TUSC3: variants seen among roughly 807,000 people sequenced by gnomAD.
TUSC3 encodes tumor suppressor candidate 3, also known as dolichyl-diphosphooligosaccharide--protein glycosyltransferase subunit TUSC3.
A neutral mutation model predicts 44.8 loss-of-function variants in TUSC3; 45 were observed. The observed-to-expected ratio is 1.00, with a 90% CI of 0.79 to 1.29. TUSC3 has a LOEUF of 1.29. TUSC3 is among the 50% of genes most tolerant of loss of function. The pLI is 0.00. For synonymous variants in TUSC3, 212 were observed against 152.9 expected (o/e 1.39, Z -2.85); for missense variants, 519 against 437.9 (o/e 1.19, Z -1.65).
chr8:15,505,349 A>T (rs76934792), intron 2 of TUSC3, among the ~76,000 whole-genome samples: 5 of 152,208 alleles, frequency 3.3e-5, no homozygotes, highest in Non-Finnish European at 7.3e-5. Context: ...ATGTGTTATA[A>T]TGGCATTGTG....
At chr8:15,581,315 G>C (rs1219196538) in intron 1 of TUSC3, among the ~76,000 whole-genome samples, 1 of 148,888 alleles carries the variant, frequency 6.7e-6, no homozygotes, top group Non-Finnish European at 1.5e-5. Context: ...TCTTCTCTCA[G>C]CTCGTCAAAG....
At chr8:15,543,896 G>A (rs1175852287) in intron 1 of TUSC3, among the ~76,000 whole-genome samples, 3 of 143,246 alleles carry the variant, frequency 2.1e-5, no homozygotes, top group Non-Finnish European at 4.6e-5. Flanking sequence ...AAGACTTGGT[G>A]ATATCCCATG....
At chr8:15,705,571 C>A (rs1198120078) in intron 6 of TUSC3, among the ~76,000 whole-genome samples, 3 of 152,008 alleles carry the variant, frequency 2.0e-5, no homozygotes, top group Non-Finnish European at 4.4e-5. Context: ...TAAAATGATT[C>A]TTCACAAAGC....
intron 1 of TUSC3, among the ~76,000 whole-genome samples, chr8:15,565,645 G>A (rs1448048022): frequency 6.6e-6 from 1 of 152,138 alleles, no homozygotes; most frequent in East Asian, 1.9e-4. Flanking sequence ...TCCTTCCCCA[G>A]TGGTGTTTTA....
intron 2 of TUSC3, among the ~76,000 whole-genome samples, chr8:15,647,967 T>A (rs955979831): frequency 6.6e-6 from 1 of 152,196 alleles, no homozygotes; most frequent in Non-Finnish European, 1.5e-5. Context: ...TATCCCAGTA[T>A]CTCTCCAGGT....
chr8:15,819,210 T>C, the TUSC3 span, among the ~76,000 whole-genome samples: 1 of 152,218 alleles, frequency 6.6e-6, no homozygotes, highest in Non-Finnish European at 1.5e-5. Flanking sequence ...GATGTAATGG[T>C]AGTAGACTGC....
At chr8:15,753,583 C>A (rs1202036272) in intron 9 of TUSC3, among the ~76,000 whole-genome samples, 1 of 152,064 alleles carries the variant, frequency 6.6e-6, no homozygotes, top group African/African-American at 2.4e-5. Context: ...TGTATATGTG[C>A]TAAAGTTAAC....
intron 2 of TUSC3, among the ~76,000 whole-genome samples, chr8:15,527,166 A>G (rs556099696): frequency 3.3e-5 from 5 of 152,272 alleles, no homozygotes; most frequent in Admixed American, 1.3e-4. Context: ...TGTTGATTTA[A>G]ATTGTTACTT....
At chr8:15,678,320 T>G (rs1808276394) in intron 6 of TUSC3, among the ~76,000 whole-genome samples, 1 of 152,152 alleles carries the variant, frequency 6.6e-6, no homozygotes, top group African/African-American at 2.4e-5. Context: ...TGGAACACAC[T>G]AAGGCATTAA....
the TUSC3 span, among the ~76,000 whole-genome samples, chr8:15,848,499 C>G: frequency 6.6e-6 from 1 of 152,148 alleles, no homozygotes; most frequent in East Asian, 1.9e-4. Context: ...GGAGCATGTA[C>G]AGAACAGACC....
chr8:15,572,461 T>A (rs976656394), intron 1 of TUSC3, among the ~76,000 whole-genome samples: 2 of 152,188 alleles, frequency 1.3e-5, no homozygotes, highest in African/African-American at 2.4e-5. Flanking sequence ...TCCAAACTAT[T>A]TAAACTTTCT....
At chr8:15,521,784 G>A (rs1454594533) in intron 2 of TUSC3, among the ~76,000 whole-genome samples, 1 of 152,130 alleles carries the variant, frequency 6.6e-6, no homozygotes, top group African/African-American at 2.4e-5. Flanking sequence ...TTTGGCCATT[G>A]GCTCCTCTTT....
intron 9 of TUSC3, among the ~76,000 whole-genome samples, chr8:15,750,398 T>G (rs975445081): frequency 1.3e-5 from 2 of 152,230 alleles, no homozygotes; most frequent in Non-Finnish European, 2.9e-5. Context: ...TCTAGATTAT[T>G]ATCTGACAGC....
intron 6 of TUSC3, among the ~76,000 whole-genome samples, chr8:15,704,043 C>G (rs1219290800): frequency 6.6e-6 from 1 of 151,946 alleles, no homozygotes. Flanking sequence ...AGTGAAAAAG[C>G]AAATATGTCA....
intron 1 of TUSC3, among the ~76,000 whole-genome samples, chr8:15,575,040 A>T (rs1232382035): frequency 6.6e-6 from 1 of 152,070 alleles, no homozygotes; most frequent in Non-Finnish European, 1.5e-5. Context: ...TATTTAGAAA[A>T]TTTTTATACT....
intron 2 of TUSC3, among the ~76,000 whole-genome samples, chr8:15,525,722 C>T (rs371053948): frequency 6.6e-6 from 1 of 152,046 alleles, no homozygotes; most frequent in African/African-American, 2.4e-5. Flanking sequence ...CAGAGACTTG[C>T]TCTGGGTCTC....
chr8:15,850,934 T>C, the TUSC3 span, among the ~76,000 whole-genome samples: 1 of 152,242 alleles, frequency 6.6e-6, no homozygotes. Context: ...TCCCCTACAC[T>C]GAGGAAGCTC....
chr8:15,522,276 A>G (rs117249092), intron 2 of TUSC3, among the ~76,000 whole-genome samples: 4,691 of 151,106 alleles, frequency 0.031, 102 homozygotes, highest in East Asian at 0.088. Context: ...TCTATCGCCC[A>G]TGCTGGAGTG....
chr8:15,585,403 A>G (rs1803554747), intron 1 of TUSC3, among the ~76,000 whole-genome samples: 2 of 152,192 alleles, frequency 1.3e-5, no homozygotes, highest in Admixed American at 6.5e-5. Context: ...TAGAGAAGTA[A>G]GAAACGTGGA....
Sources: allele counts gnomAD v4.1 joint callset (sites outside exome capture counted in the v4.1 genomes callset), GRCh38; gene constraint gnomAD v4.1.1; transcripts MANE v1.5; gene names NCBI Gene and HGNC (gene_info 2026-07-23, HGNC 2026-07-21).